The following RBBP4 variants were observed in gnomAD, a reference collection of about 807,000 sequenced individuals.
RBBP4 encodes RB binding protein 4, chromatin remodeling factor.
RBBP4 carries 3 observed loss-of-function variants against 57.2 expected under a neutral mutation model. That is an observed-to-expected ratio of 0.05 (90% CI 0.02 to 0.14). RBBP4 has a LOEUF of 0.14. Ranked by LOEUF, RBBP4 falls within the 10% of genes least tolerant of loss-of-function variation. RBBP4 has a pLI of 1.00. For missense variants in RBBP4, 107 were observed against 520.6 expected, an observed-to-expected ratio of 0.21 and a Z score of 7.73; for synonymous variants, 151 against 171.5, an observed-to-expected ratio of 0.88 and a Z score of 0.93.
chr1:32,684,162 T>C lies in RBBP4; in HGVS notation c.*4457T>C, dbSNP rs1649646599. On this transcript the variant is annotated 3_prime_UTR_variant, in exon 12 of 12. Transcript: ENST00000373493. ...TTTGAAAATCATTTCCCAAATCCTCTTTTTGTTTTTGATTCTAAGGTAAAA... is the reference window on the plus strand; with the variant it reads ...TTTGAAAATCATTTCCCAAATCCTCCTTTTGTTTTTGATTCTAAGGTAAAA... 1 of 1,605,990 alleles carries C rather than the reference T, an allele frequency of 6.2e-7. No homozygotes were observed. Among genetic ancestry groups the C allele is most frequent in the Non-Finnish European group, 8.5e-7 (1 of 1,175,252 alleles).
chr1:32,660,000 G>A (rs920411917), intron 3 of RBBP4, among the ~76,000 whole-genome samples: 2 of 152,180 alleles, frequency 1.3e-5, no homozygotes, highest in East Asian at 1.9e-4. Flanking sequence ...CCACAACAGC[G>A]TATGTATTTA....
intron 3 of RBBP4, among the ~76,000 whole-genome samples, chr1:32,658,448 CTA>C (rs1282953576): frequency 4.0e-5 from 6 of 151,506 alleles, no homozygotes; most frequent in Admixed American, 2.6e-4. Context: ...ATGGCACTCT[CTA>C]TGTGTATAGA....
At chr1:32,674,592 C>G (rs1649016286) in intron 11 of RBBP4, among the ~76,000 whole-genome samples, 1 of 150,240 alleles carries the variant, frequency 6.7e-6, no homozygotes, top group African/African-American at 2.4e-5. Flanking sequence ...GAAAAGAATT[C>G]AGAAGAAACT....
rs189725649 is a variant in RBBP4 at position 32,671,593 on chromosome 1, C to T, written c.967-857C>T. Among the ~76,000 whole-genome samples, 34 of 152,074 alleles carry T rather than the reference C, an allele frequency of 2.2e-4. No homozygotes were observed. In the East Asian group the frequency reaches 2.7e-3, roughly 12 times the overall value. On this transcript the variant is annotated intron_variant, in intron 8 of 11. Coordinates refer to ENST00000373493, the MANE Select transcript of RBBP4 (RefSeq NM_005610.3). Reference sequence around the variant, plus strand: ...TCCAAAGATAAAATGATGCTGGGCACATGGCACACACCTCCAGCTACGCAG... The same window carrying T: ...TCCAAAGATAAAATGATGCTGGGCATATGGCACACACCTCCAGCTACGCAG...
rs1368289792 is a variant in RBBP4, at chr1:32,651,273, C to T, written c.-34C>T. 2.0e-6 allele frequency: 3 copies of T among 1,504,276 alleles called. No individual in the cohort carries two copies. The highest frequency in any genetic ancestry group is 2.7e-6 in the Non-Finnish European group (3 of 1,126,898). 93.2% of individuals were successfully genotyped at this position (1,504,276 alleles called of 1,614,324 possible). On this transcript the variant is annotated 5_prime_UTR_variant, in exon 1 of 12. Transcript: ENST00000373493. Reference sequence around the variant, plus strand: ...GCCTCCCCGCCCCTCCCGCAACGCTCGACCCCAGGATTCCCCCGGCTCGCC... The same window carrying T: ...GCCTCCCCGCCCCTCCCGCAACGCTTGACCCCAGGATTCCCCCGGCTCGCC...
intron 11 of RBBP4, among the ~76,000 whole-genome samples, chr1:32,674,718 TATTTTTTTTTTA>T (rs1394026735): frequency 6.6e-5 from 10 of 151,462 alleles, no homozygotes; most frequent in Non-Finnish European, 1.2e-4. Context: ...TTTATTTCTT[TATTTTTTTTTTA>T]ATTTTTTTTT....
intron 2 of RBBP4, among the ~76,000 whole-genome samples, chr1:32,655,737 T>C (rs944962992): frequency 1.3e-5 from 2 of 152,304 alleles, no homozygotes; most frequent in South Asian, 4.1e-4. Flanking sequence ...CTCCTGTTGT[T>C]CCTATTTCTT....
intron 3 of RBBP4, among the ~76,000 whole-genome samples, chr1:32,659,211 C>CAT (rs1648294557): frequency 6.7e-6 from 1 of 150,304 alleles, no homozygotes; most frequent in Admixed American, 6.6e-5. Flanking sequence ...TGTGGTTTTA[C>CAT]ATATATATGT....
At chr1:32,659,423 A>C (rs1648304133) in intron 3 of RBBP4, among the ~76,000 whole-genome samples, 1 of 151,762 alleles carries the variant, frequency 6.6e-6, no homozygotes, top group Non-Finnish European at 1.5e-5. Context: ...AGCCATGTGC[A>C]GTGGCACGCA....
chr1:32,673,478 C>T, intron 11 of RBBP4: 2 of 428,072 alleles, frequency 4.7e-6, no homozygotes, highest in South Asian at 1.7e-5. Flanking sequence ...CACTTTTTCA[C>T]CCAGGCTGGA....
chr1:32,653,657 TTTG>T (rs1557849832), intron 2 of RBBP4, among the ~76,000 whole-genome samples: 2 of 41,354 alleles, frequency 4.8e-5, no homozygotes, highest in Non-Finnish European at 9.2e-5. Flanking sequence ...TTTTTTTTTT[TTTG>T]TTTTTGTTTT....
rs1231548112 is a variant in RBBP4 at position 32,685,158 on chromosome 1, T to C, written c.*5453T>C. ...AGCCACTGTGCCCAGCTTATCCTTT[T>C]TTCATTACACAAAAAGACTGAATTT... On this transcript the variant is annotated 3_prime_UTR_variant, in exon 12 of 12. Coordinates refer to ENST00000373493, the MANE Select transcript of RBBP4 (RefSeq NM_005610.3). The C allele has an allele frequency of 6.6e-6, 1 of 152,220 alleles. No individual in the cohort carries two copies. Among genetic ancestry groups the C allele is most frequent in the East Asian group, 1.9e-4 (1 of 5,206 alleles). The allele number at this position is 152,220 out of a possible 1,614,324, so 9.4% of individuals were successfully genotyped here. A position where few individuals can be genotyped will look rare whatever the true frequency, so the allele number is the denominator to read the frequency against.
At chr1:32,676,560 C>G (rs1649107981) in intron 11 of RBBP4, among the ~76,000 whole-genome samples, 2 of 141,372 alleles carry the variant, frequency 1.4e-5, no homozygotes, top group Non-Finnish European at 3.0e-5. Flanking sequence ...TGCGGTGAGC[C>G]AAGATCGCAC....
Position 32,651,248 on chromosome 1 carries a change from G to A in RBBP4, c.-59G>A. 7 of 1,505,994 alleles carry A rather than the reference G, an allele frequency of 4.6e-6. No individual in the cohort carries two copies. The highest frequency in any genetic ancestry group is 2.2e-5 in the Admixed American group (1 of 45,158). The allele number at this position is 1,505,994 out of a possible 1,614,324, so 93.3% of individuals were successfully genotyped here. On this transcript the variant is annotated 5_prime_UTR_variant, in exon 1 of 12. Transcript: ENST00000373493. ...CGCGCGCACAGAGCGAGCTCTTGCA[G>A]CCTCCCCGCCCCTCCCGCAACGCTC... is the stretch of plus-strand genomic sequence containing the variant.
At chr1:32,663,626 G>C (rs1388849042) in intron 3 of RBBP4, among the ~76,000 whole-genome samples, 2 of 151,964 alleles carry the variant, frequency 1.3e-5, no homozygotes, top group African/African-American at 4.8e-5. Context: ...GCCCAGGCTG[G>C]AGTGTAGTGG....
rs1285395456 is a variant in RBBP4 at position 32,672,509 on chromosome 1, G to C, written c.1026G>C (p.Leu342=). 3 of 1,609,222 alleles carry C rather than the reference G, an allele frequency of 1.9e-6. No individual in the cohort carries two copies. The highest frequency in any genetic ancestry group is 1.7e-6 in the Non-Finnish European group (2 of 1,175,688). ...ILASSGTDRR[L]NVWDLSKIGE... ...CTTCCAGTGGTACTGATCGCAGACTGAATGTCTGGGATTTAAGGTAATTCT... is the reference window on the plus strand; with the variant it reads ...CTTCCAGTGGTACTGATCGCAGACTCAATGTCTGGGATTTAAGGTAATTCT... The change falls in exon 9 of 12, where the codon CTG becomes CTC. Residue 342 remains leucine, a synonymous_variant. Transcript: ENST00000373493.
chr1:32,673,220 A>G (rs1188612906), intron 11 of RBBP4, among the ~76,000 whole-genome samples: 1 of 152,046 alleles, frequency 6.6e-6, no homozygotes, highest in Non-Finnish European at 1.5e-5. Flanking sequence ...AGAATTTTCC[A>G]TGTCTGTTTA....
chr1:32,659,079 T>C (rs1042963312), intron 3 of RBBP4, among the ~76,000 whole-genome samples: 4 of 147,580 alleles, frequency 2.7e-5, no homozygotes, highest in Non-Finnish European at 6.0e-5. Flanking sequence ...TATGTAAAAC[T>C]ACATGTGTAT....
chr1:32,672,619 T>G (rs1355833962), intron 9 of RBBP4, 23 bp from the exon 10 acceptor site: 23 of 1,612,594 alleles, frequency 1.4e-5, no homozygotes, highest in African/African-American at 2.7e-5. Flanking sequence ...GTTTTAACTT[T>G]TAAAATTATG....
Sources: allele counts gnomAD v4.1 joint callset (sites outside exome capture counted in the v4.1 genomes callset), GRCh38; gene constraint gnomAD v4.1.1; transcripts MANE v1.5; gene names NCBI Gene and HGNC (gene_info 2026-07-23, HGNC 2026-07-21).